CTNNA3: variants seen among roughly 807,000 people sequenced by gnomAD.
CTNNA3 encodes catenin alpha-3.
Under a neutral mutation model 95.7 loss-of-function variants are expected in CTNNA3, and 76 were observed. The ratio of observed to expected loss-of-function variants is 0.79; its 90% confidence interval spans 0.66 to 0.96. CTNNA3 has a LOEUF of 0.96. CTNNA3 is among the 40% of genes least tolerant of loss of function. The probability of loss-of-function intolerance (pLI) is 0.00; values close to 1 mark genes in which losing one functional copy is unlikely to be tolerated. For missense variants in CTNNA3, 1,191 were observed against 1,089.8 expected, an observed-to-expected ratio of 1.09 and a Z score of -1.31; for synonymous variants, 431 against 374.4, an observed-to-expected ratio of 1.15 and a Z score of -1.74.
At chr10:66,501,548 C>T (rs1168029491) in intron 11 of CTNNA3, among the ~76,000 whole-genome samples, 2 of 152,136 alleles carry the variant, frequency 1.3e-5, no homozygotes, top group African/African-American at 4.8e-5. Flanking sequence ...TGTTGACTGA[C>T]ACAATAAATG....
intron 7 of CTNNA3, among the ~76,000 whole-genome samples, chr10:67,023,794 A>G (rs1297628228): frequency 2.0e-5 from 3 of 152,212 alleles, no homozygotes; most frequent in Non-Finnish European, 4.4e-5. Flanking sequence ...AATATACAAG[A>G]AAGCATGTAA....
intron 12 of CTNNA3, among the ~76,000 whole-genome samples, chr10:66,351,544 A>G (rs2092566994): frequency 1.3e-5 from 2 of 152,084 alleles, no homozygotes; most frequent in African/African-American, 2.4e-5. Flanking sequence ...AATGAGATTC[A>G]TAATTTTACT....
chr10:67,732,879 C>T (rs1841283231), intron 1 of CTNNA3, among the ~76,000 whole-genome samples: 1 of 125,940 alleles, frequency 7.9e-6, no homozygotes, highest in Non-Finnish European at 1.6e-5. Context: ...CTCTTTCTCT[C>T]ACTCACGCAC....
intron 10 of CTNNA3, among the ~76,000 whole-genome samples, chr10:66,529,526 C>A (rs1841393477): frequency 7.0e-6 from 1 of 142,520 alleles, no homozygotes; most frequent in Admixed American, 7.5e-5. Context: ...TATTTTTATT[C>A]TTTACAGAGA....
intron 7 of CTNNA3, among the ~76,000 whole-genome samples, chr10:66,830,526 T>A (rs1297571136): frequency 6.6e-6 from 1 of 152,100 alleles, no homozygotes; most frequent in Non-Finnish European, 1.5e-5. Flanking sequence ...CTACTCGTGC[T>A]CCTTCTTCAG....
chr10:67,689,253 C>T (rs1236890767), intron 1 of CTNNA3, among the ~76,000 whole-genome samples: 8 of 152,078 alleles, frequency 5.3e-5, no homozygotes, highest in African/African-American at 1.2e-4. Flanking sequence ...ATACCATTTC[C>T]GAAGCTCCCC....
chr10:66,594,350 C>T (rs764210335), intron 10 of CTNNA3, among the ~76,000 whole-genome samples: 2 of 152,140 alleles, frequency 1.3e-5, no homozygotes, highest in Non-Finnish European at 2.9e-5. Context: ...TCAATAGCTT[C>T]CTACTTCCAT....
At chr10:67,392,830 C>A (rs1269186424) in intron 5 of CTNNA3, among the ~76,000 whole-genome samples, 24 of 152,026 alleles carry the variant, frequency 1.6e-4, no homozygotes, top group Admixed American at 6.6e-5. Context: ...ACCGCATATT[C>A]TCACTCATAG....
chr10:66,763,697 C>A (rs555444074), intron 9 of CTNNA3, among the ~76,000 whole-genome samples: 1 of 152,276 alleles, frequency 6.6e-6, no homozygotes, highest in South Asian at 2.1e-4. Flanking sequence ...ATACAAATGA[C>A]AACTGCAGCT....
intron 4 of CTNNA3, among the ~76,000 whole-genome samples, chr10:67,527,377 C>T (rs1840177447): frequency 6.6e-6 from 1 of 152,104 alleles, no homozygotes; most frequent in African/African-American, 2.4e-5. Flanking sequence ...AGACAAAACC[C>T]ACAGCAGCAG....
At chr10:67,322,236 T>C (rs553760654) in intron 5 of CTNNA3, among the ~76,000 whole-genome samples, 1 of 152,344 alleles carries the variant, frequency 6.6e-6, no homozygotes, top group South Asian at 2.1e-4. Flanking sequence ...TTTATAACTT[T>C]TATTTTAAGT....
At chr10:66,129,717 C>T (rs2082997768) in intron 13 of CTNNA3, among the ~76,000 whole-genome samples, 1 of 152,056 alleles carries the variant, frequency 6.6e-6, no homozygotes, top group Non-Finnish European at 1.5e-5. Flanking sequence ...TTGTGGACTG[C>T]ACCTGATAAG....
rs1427904243 is a variant in CTNNA3, at chr10:66,479,978, A to ACACACACACACC, written c.1531+40638_1531+40639insGGTGTGTGTGTG. On this transcript the variant is annotated intron_variant, in intron 11 of 17. Coordinates refer to ENST00000433211, the MANE Select transcript of CTNNA3 (RefSeq NM_013266.4). Reference sequence around the variant, plus strand: ...CACACACACACACACACACACACACACCCCAGAACTTTCAACTCAGCCCAG... The same window carrying ACACACACACACC: ...CACACACACACACACACACACACACACACACACACACCCCCCAGAACTTTCAACTCAGCCCAG... 1.5e-4 allele frequency among the ~76,000 whole-genome samples: 23 copies of ACACACACACACC among 151,450 alleles called. No individual in the cohort carries two copies. The East Asian group carries it at 1.6e-3, about 10-fold the overall frequency.
At chr10:66,999,698 T>C (rs1170199180) in intron 7 of CTNNA3, among the ~76,000 whole-genome samples, 1 of 152,204 alleles carries the variant, frequency 6.6e-6, no homozygotes, top group Non-Finnish European at 1.5e-5. Flanking sequence ...TAGAAATGAA[T>C]AATGTACATT....
chr10:66,337,341 T>C (rs990633372), intron 12 of CTNNA3, among the ~76,000 whole-genome samples: 5 of 152,128 alleles, frequency 3.3e-5, no homozygotes, highest in Admixed American at 1.3e-4. Flanking sequence ...CTCAAACGGA[T>C]AAGTACAGAT....
intron 7 of CTNNA3, chr10:66,925,984 C>T (rs1342310837): frequency 4.4e-6 from 2 of 456,574 alleles, no homozygotes; most frequent in African/African-American, 2.0e-5. Context: ...CCATAATGTT[C>T]TTCACCACTG....
intron 7 of CTNNA3, among the ~76,000 whole-genome samples, chr10:66,851,957 G>A (rs1240243133): frequency 6.6e-6 from 1 of 152,124 alleles, no homozygotes; most frequent in African/African-American, 2.4e-5. Flanking sequence ...CAACTGGGCA[G>A]TTGAAATCTG....
chr10:66,034,699 C>A lies in CTNNA3; in HGVS notation c.2159+34609G>T, dbSNP rs747901534. On this transcript the variant is annotated intron_variant, in intron 15 of 17. Coordinates refer to ENST00000433211, the MANE Select transcript of CTNNA3 (RefSeq NM_013266.4). ...AGAGAACTCCTTTAATAGCCACTTA[C>A]ATTCAATTTCCTGTGGCCTAGACAT... Among the ~76,000 whole-genome samples the A allele has an allele frequency of 4.6e-5, 7 of 152,152 alleles. No individual in the cohort carries two copies. The South Asian group carries it at 1.2e-3, about 27-fold the overall frequency.
intron 15 of CTNNA3, among the ~76,000 whole-genome samples, chr10:66,043,956 C>CTG (rs59559225): frequency 0.022 from 3,227 of 144,428 alleles, 63 homozygotes; most frequent in African/African-American, 0.068. Context: ...TAGGACTATG[C>CTG]TGTGTGTGTG....
Sources: gnomAD v4.1 joint callset for allele counts (sites outside exome capture counted in the v4.1 genomes callset) on GRCh38, gnomAD v4.1.1 for gene constraint, MANE v1.5 for transcripts, NCBI Gene and HGNC (gene_info 2026-07-23, HGNC 2026-07-21) for gene names.